Variants in AFF3 observed in about 807,000 individuals in gnomAD.
AFF3 encodes ALF transcription elongation factor 3, also known as AF4/FMR2 family member 3.
AFF3 carries 32 observed loss-of-function variants against 129.7 expected under a neutral mutation model. The observed-to-expected ratio is 0.25, with a 90% CI of 0.19 to 0.33. The LOEUF is 0.33. Ranked by LOEUF, AFF3 falls within the 10% of genes least tolerant of loss-of-function variation. The pLI is 1.00. For synonymous variants in AFF3, 644 were observed against 635.4 expected (o/e 1.01, Z -0.20); for missense variants, 1,373 against 1,592.0 (o/e 0.86, Z 2.34).
At chr2:100,042,145 A>G (rs1251898095) in intron 4 of AFF3, among the ~76,000 whole-genome samples, 3 of 152,048 alleles carry the variant, frequency 2.0e-5, no homozygotes, top group Non-Finnish European at 4.4e-5. Flanking sequence ...TGTCTCTTGA[A>G]CAAGCTAAGA....
chr2:99,815,830 CTG>C (rs370392072), intron 8 of AFF3, among the ~76,000 whole-genome samples: 9 of 149,570 alleles, frequency 6.0e-5, no homozygotes, highest in Non-Finnish European at 7.4e-5. Context: ...CTCTCTCTCT[CTG>C]TGTGTGTGTG....
chr2:99,691,937 C>A (rs958202549), intron 11 of AFF3, among the ~76,000 whole-genome samples: 2 of 152,156 alleles, frequency 1.3e-5, no homozygotes, highest in African/African-American at 4.8e-5. Context: ...GTGGCAAGAG[C>A]CCAGGAAAGG....
At chr2:100,030,339 G>A (rs1007499527) in intron 4 of AFF3, among the ~76,000 whole-genome samples, 2 of 151,998 alleles carry the variant, frequency 1.3e-5, no homozygotes, top group African/African-American at 4.8e-5. Flanking sequence ...ACGAGATACC[G>A]CTACACACCT....
chr2:99,837,210 A>G (rs1409865266), intron 8 of AFF3, among the ~76,000 whole-genome samples: 5 of 152,224 alleles, frequency 3.3e-5, no homozygotes, highest in African/African-American at 7.2e-5. Context: ...GAGCACCAGC[A>G]TATTTTTCAT....
chr2:100,124,198 A>G (rs1692094666), intron 2 of AFF3, among the ~76,000 whole-genome samples: 1 of 152,260 alleles, frequency 6.6e-6, no homozygotes, highest in Non-Finnish European at 1.5e-5. Flanking sequence ...AGATGCGTCT[A>G]GGAGATTTAA....
intron 4 of AFF3, among the ~76,000 whole-genome samples, chr2:100,050,817 G>A (rs1311911865): frequency 5.3e-5 from 8 of 152,186 alleles, no homozygotes; most frequent in Admixed American, 3.3e-4. Flanking sequence ...CTTGACTGAT[G>A]CACCAATTTC....
intron 12 of AFF3, among the ~76,000 whole-genome samples, chr2:99,670,581 G>A (rs530886022): frequency 2.6e-5 from 4 of 151,972 alleles, no homozygotes; most frequent in African/African-American, 7.3e-5. Flanking sequence ...TGCTGCTTCC[G>A]GGATAAAGCA....
intron 4 of AFF3, among the ~76,000 whole-genome samples, chr2:100,048,148 TC>T (rs1193587017): frequency 1.3e-5 from 2 of 152,244 alleles, no homozygotes; most frequent in Non-Finnish European, 2.9e-5. Context: ...AAGGAATGCA[TC>T]CCTGTTGTTT....
chr2:100,003,145 T>C (rs1023979346), intron 7 of AFF3, among the ~76,000 whole-genome samples: 4 of 152,242 alleles, frequency 2.6e-5, no homozygotes, highest in Non-Finnish European at 5.9e-5. Flanking sequence ...AACACAGTTA[T>C]ATGTCTTTGA....
intron 11 of AFF3, among the ~76,000 whole-genome samples, chr2:99,724,781 G>A (rs1039150809): frequency 2.0e-5 from 3 of 152,154 alleles, no homozygotes; most frequent in Admixed American, 2.0e-4. Flanking sequence ...GGTCTCTTGA[G>A]CGGTTTCAAG....
chr2:99,844,263 T>C (rs1312110720), intron 7 of AFF3, among the ~76,000 whole-genome samples: 1 of 151,898 alleles, frequency 6.6e-6, no homozygotes, highest in Admixed American at 6.6e-5. Context: ...TAACATAAAA[T>C]CTACCATTTT....
intron 4 of AFF3, 38 bp from the exon 5 acceptor site, chr2:100,008,970 C>G: frequency 6.2e-7 from 1 of 1,607,980 alleles, no homozygotes; most frequent in Non-Finnish European, 8.5e-7. Context: ...ACCACACACA[C>G]AAATTAAACT....
At chr2:99,837,632 T>A in intron 7 of AFF3, 108 bp from the exon 8 acceptor site, 1 of 1,009,114 alleles carries the variant, frequency 9.9e-7, no homozygotes, top group Non-Finnish European at 1.5e-6. Context: ...TTCAGCGAGT[T>A]ACAGGTTGAG....
intron 4 of AFF3, among the ~76,000 whole-genome samples, chr2:100,067,180 T>TAA (rs35574768): frequency 6.9e-4 from 93 of 134,300 alleles, no homozygotes; most frequent in African/African-American, 1.5e-3. Context: ...TCCACATAGT[T>TAA]AAAAAAAAAA....
intron 12 of AFF3, among the ~76,000 whole-genome samples, chr2:99,665,706 T>A (rs575310762): frequency 5.3e-5 from 8 of 152,166 alleles, no homozygotes; most frequent in African/African-American, 1.7e-4. Flanking sequence ...ATGGGTGAGA[T>A]CACCCAGAGA....
At chr2:99,848,707 A>T (rs1421835910) in intron 7 of AFF3, among the ~76,000 whole-genome samples, 1 of 152,246 alleles carries the variant, frequency 6.6e-6, no homozygotes, top group Non-Finnish European at 1.5e-5. Flanking sequence ...CAGTAAGTAT[A>T]AACGAAAAAT....
intron 10 of AFF3, among the ~76,000 whole-genome samples, chr2:99,743,085 A>C (rs1680850607): frequency 6.6e-6 from 1 of 152,196 alleles, no homozygotes; most frequent in Non-Finnish European, 1.5e-5. Context: ...GACTAAATTC[A>C]TCATTTTCTT....
intron 8 of AFF3, among the ~76,000 whole-genome samples, chr2:99,782,769 A>T (rs1244369633): frequency 2.0e-5 from 3 of 152,254 alleles, no homozygotes; most frequent in African/African-American, 7.2e-5. Flanking sequence ...TTCTGCAGGT[A>T]ACATTAGTGT....
chr2:99,752,424 G>A (rs1211260322), intron 8 of AFF3, 123 bp from the exon 9 acceptor site: 1 of 675,560 alleles, frequency 1.5e-6, no homozygotes, highest in Non-Finnish European at 2.4e-6. Flanking sequence ...ATGTACAAAG[G>A]CTGAAAGAAT....
Sources: gnomAD v4.1 joint callset for allele counts (sites outside exome capture counted in the v4.1 genomes callset) on GRCh38, gnomAD v4.1.1 for gene constraint, MANE v1.5 for transcripts, NCBI Gene and HGNC (gene_info 2026-07-23, HGNC 2026-07-21) for gene names.